The following DIP2B variants were observed in gnomAD, a reference collection of about 807,000 sequenced individuals.
The protein encoded by DIP2B is DIP2 acetate--CoA ligase B (putative).
In DIP2B, 76 loss-of-function variants were observed where a neutral mutation model predicts 198.0. The ratio of observed to expected loss-of-function variants is 0.38; its 90% CI spans 0.32 to 0.46. The LOEUF (loss-of-function observed/expected upper bound fraction) is 0.46, where lower values mean the gene tolerates loss of function less well. DIP2B is among the 20% of genes least tolerant of loss of function. DIP2B has a pLI of 0.99. For synonymous variants in DIP2B, 701 were observed against 739.1 expected (o/e 0.95, Z 0.84); for missense variants, 1,559 against 1,978.4 (o/e 0.79, Z 4.02).
chr12:50,584,101 A>T lies in DIP2B; in HGVS notation c.101-41875A>T, dbSNP rs182693926. 9.5e-4 allele frequency among the ~76,000 whole-genome samples: 144 copies of T among 152,208 alleles called. 1 individual carries two copies. Among genetic ancestry groups the T allele is most frequent in the African/African-American group, 3.3e-3 (137 of 41,534 alleles). ...CTTCTCTTTATTTACACTCTCTCCCATGTGATTTCACCCACTTCCATGGCT... is the reference window on the plus strand; with the variant it reads ...CTTCTCTTTATTTACACTCTCTCCCTTGTGATTTCACCCACTTCCATGGCT... On this transcript the variant is annotated intron_variant, in intron 1 of 37. Coordinates refer to ENST00000301180, the MANE Select transcript of DIP2B (RefSeq NM_173602.3).
chr12:50,633,093 T>C (rs1019056955), intron 2 of DIP2B, among the ~76,000 whole-genome samples: 9 of 152,184 alleles, frequency 5.9e-5, no homozygotes, highest in Non-Finnish European at 1.0e-4. Context: ...GAATGATTTT[T>C]TTTGTGTGTG....
At chr12:50,599,312 A>T (rs993928649) in intron 1 of DIP2B, among the ~76,000 whole-genome samples, 2 of 151,058 alleles carry the variant, frequency 1.3e-5, no homozygotes, top group Non-Finnish European at 3.0e-5. Flanking sequence ...AAAAAAAATT[A>T]AAATTTAAAA....
At chr12:50,611,312 G>A (rs1353448656) in intron 1 of DIP2B, among the ~76,000 whole-genome samples, 2 of 152,090 alleles carry the variant, frequency 1.3e-5, no homozygotes, top group African/African-American at 2.4e-5. Context: ...ATCAGCTCTT[G>A]TACTACCGAA....
At chr12:50,716,718 T>C (rs368385546) in intron 23 of DIP2B, among the ~76,000 whole-genome samples, 2 of 152,220 alleles carry the variant, frequency 1.3e-5, no homozygotes, top group Non-Finnish European at 1.5e-5. Flanking sequence ...TTTTTAATAT[T>C]AATCCAGTAT....
intron 30 of DIP2B, among the ~76,000 whole-genome samples, chr12:50,731,146 A>G (rs1391571897): frequency 6.6e-6 from 1 of 152,250 alleles, no homozygotes; most frequent in Non-Finnish European, 1.5e-5. Flanking sequence ...GGCAGCTGTA[A>G]GAATGTTATG....
In DIP2B at chr12:50,675,344, G is replaced by A. The variant is rs1938928387; in HGVS notation, c.812G>A (p.Ser271Asn). The A allele has an allele frequency of 1.9e-6, 3 of 1,612,482 alleles. No individual in the cohort carries two copies. The highest frequency in any genetic ancestry group is 2.5e-6 in the Non-Finnish European group (3 of 1,178,912). Residue 271 changes from serine to asparagine, a missense_variant, in exon 7 of 38, where the codon AGC becomes AAC. Ser to Asn is a conservative substitution (Grantham distance 46). Coordinates refer to ENST00000301180, the MANE Select transcript of DIP2B (RefSeq NM_173602.3). ...MDTADGVPVS[S>N]RVSTKIQQLL... ...TCCCTTATAGGTGTTCCTGTCAGTA[G>A]CAGAGTATCTACAAAAATCCAGCAG...
Position 50,626,733 on chromosome 12 carries a change from A to G in DIP2B, c.172+686A>G, listed in dbSNP as rs570785276. On this transcript the variant is annotated intron_variant, in intron 2 of 37. Coordinates refer to ENST00000301180, the MANE Select transcript of DIP2B (RefSeq NM_173602.3). ...TTCTGATTTTCTACCCCCTTCAACC[A>G]AAGTGTGTTTCTGCAAGCCTGTTCT... Among the ~76,000 whole-genome samples, 41 of 149,242 alleles carry G rather than the reference A, an allele frequency of 2.7e-4. 1 individual carries two copies. The highest frequency in any genetic ancestry group is 4.4e-4 in the Non-Finnish European group (30 of 67,626).
chr12:50,632,478 C>CAAAA (rs756895459), intron 2 of DIP2B, among the ~76,000 whole-genome samples: 1 of 74,614 alleles, frequency 1.3e-5, no homozygotes, highest in African/African-American at 5.2e-5. Context: ...GACTCTGTCT[C>CAAAA]AAAAAAAAAA....
At chr12:50,534,369 A>ATTTTTTTTTTTTTTTTTTTT (rs72095442) in intron 1 of DIP2B, among the ~76,000 whole-genome samples, 3 of 107,870 alleles carry the variant, frequency 2.8e-5, no homozygotes, top group Non-Finnish European at 5.3e-5. Flanking sequence ...TTCTCATTTC[A>ATTTTTTTTTTTTTTTTTTTT]TTTTTTTTTT....
intron 12 of DIP2B, 125 bp from the exon 13 acceptor site, chr12:50,690,924 A>G (rs1939212519): frequency 7.0e-6 from 5 of 710,802 alleles, no homozygotes; most frequent in Non-Finnish European, 1.2e-5. Context: ...TTAAATATTC[A>G]TATTAAACAT....
chr12:50,514,029 A>G (rs1257900514), intron 1 of DIP2B, among the ~76,000 whole-genome samples: 1 of 150,746 alleles, frequency 6.6e-6, no homozygotes, highest in Non-Finnish European at 1.5e-5. Context: ...TTTATTTAAA[A>G]CCATTGCTAA....
chr12:50,634,005 A>G (rs1938112478), intron 2 of DIP2B, among the ~76,000 whole-genome samples: 1 of 152,140 alleles, frequency 6.6e-6, no homozygotes, highest in Non-Finnish European at 1.5e-5. Context: ...CAGGTCCTCA[A>G]AACGCTCCGA....
At chr12:50,646,209 C>T (rs1398676912) in intron 3 of DIP2B, among the ~76,000 whole-genome samples, 2 of 151,716 alleles carry the variant, frequency 1.3e-5, no homozygotes, top group African/African-American at 4.8e-5. Flanking sequence ...CTGCAACCTC[C>T]GCCTCCTGGG....
At chr12:50,589,666 G>T (rs953376334) in intron 1 of DIP2B, among the ~76,000 whole-genome samples, 1 of 152,156 alleles carries the variant, frequency 6.6e-6, no homozygotes, top group Admixed American at 6.5e-5. Flanking sequence ...TGCAAGAATT[G>T]TGAGTCCAGT....
chr12:50,695,382 G>A (rs757118091), intron 15 of DIP2B, 22 bp downstream of exon 15: 7 of 1,585,360 alleles, frequency 4.4e-6, no homozygotes, highest in Non-Finnish European at 5.2e-6. Context: ...CAACATCTGA[G>A]CTTTAATTAT....
Position 50,505,247 on chromosome 12 carries a change from G to T in DIP2B, c.100+7G>T. Reference sequence around the variant, plus strand: ...GAGCTGGAGCTCTCGGAGGGTAGGAGCCGGGCCGGGGAGAGGGCGCCCGGG... The same window carrying T: ...GAGCTGGAGCTCTCGGAGGGTAGGATCCGGGCCGGGGAGAGGGCGCCCGGG... On this transcript the variant is annotated splice_region_variant and intron_variant, in intron 1 of 37. Transcript: ENST00000301180. 6.7e-7 allele frequency: 1 copy of T among 1,503,580 alleles called. No homozygotes were observed. The highest frequency in any genetic ancestry group is 8.8e-7 in the Non-Finnish European group (1 of 1,132,890). The allele number at this position is 1,503,580 out of a possible 1,614,324, so 93.1% of individuals were successfully genotyped here. A position where few individuals can be genotyped will look rare whatever the true frequency, so the allele number is the denominator to read the frequency against.
Position 50,728,579 on chromosome 12 carries a change from G to A in DIP2B, c.3542G>A (p.Arg1181Gln), listed in dbSNP as rs376416421. ...CACTCTGCAGTGAACGCTCTGTGTCGAGCCATCAAGCTCCAGTGTGAGTTG... is the reference window on the plus strand; with the variant it reads ...CACTCTGCAGTGAACGCTCTGTGTCAAGCCATCAAGCTCCAGTGTGAGTTG... ...MSHSAVNALC[R>Q]AIKLQCELYS... is the part of the protein sequence containing the mutation. The change falls in exon 30 of 38, where the codon CGA becomes CAA. Residue 1181 changes from arginine to glutamine, a missense_variant. Physicochemically the swap from Arg to Gln is conservative, Grantham distance 43 (BLOSUM62 1). Coordinates refer to ENST00000301180, the MANE Select transcript of DIP2B (RefSeq NM_173602.3). 40 of 1,613,912 alleles carry A rather than the reference G, an allele frequency of 2.5e-5. No individual in the cohort carries two copies. The Admixed American group carries it at 4.3e-4, about 17-fold the overall frequency.
Position 50,505,086 on chromosome 12 carries a change from C to T in DIP2B, c.-55C>T, listed in dbSNP as rs1411505037. On this transcript the variant is annotated 5_prime_UTR_variant, in exon 1 of 38. Coordinates refer to ENST00000301180, the MANE Select transcript of DIP2B (RefSeq NM_173602.3). ...AGCCGGGTGTGGGCCCGTGTCTGTC[C>T]GTCCCTCCTTCGGCCCCCTCTCTTG... 2 of 1,483,002 alleles carry T rather than the reference C, an allele frequency of 1.3e-6. No individual in the cohort carries two copies. The highest frequency in any genetic ancestry group is 1.4e-5 in the African/African-American group (1 of 69,914). The allele number at this position is 1,483,002 out of a possible 1,614,324, so 91.9% of individuals were successfully genotyped here.
At chr12:50,674,197 AATG>A (rs942882497) in intron 5 of DIP2B, among the ~76,000 whole-genome samples, 1 of 152,186 alleles carries the variant, frequency 6.6e-6, no homozygotes, top group African/African-American at 2.4e-5. Flanking sequence ...CTGTGTAGAA[AATG>A]ATGTTTTGAG....
Sources: gnomAD v4.1 joint callset for allele counts (sites outside exome capture counted in the v4.1 genomes callset) on GRCh38, gnomAD v4.1.1 for gene constraint, MANE v1.5 for transcripts, NCBI Gene and HGNC (gene_info 2026-07-23, HGNC 2026-07-21) for gene names.